Variants in LRRC4C observed in about 807,000 individuals in gnomAD.
LRRC4C encodes the protein leucine rich repeat containing 4C.
LRRC4C carries 5 observed loss-of-function variants against 33.6 expected under a neutral mutation model. The observed-to-expected ratio is 0.15, with a 90% CI of 0.08 to 0.31. The LOEUF is 0.31. LRRC4C is among the 10% of genes least tolerant of loss of function. The pLI is 1.00. For synonymous variants in LRRC4C, 329 were observed against 302.0 expected (o/e 1.09, Z -0.93); for missense variants, 560 against 796.7 (o/e 0.70, Z 3.58).
chr11:40,418,773 T>C (rs1323284792), intron 3 of LRRC4C, among the ~76,000 whole-genome samples: 1 of 152,156 alleles, frequency 6.6e-6, no homozygotes, highest in Non-Finnish European at 1.5e-5. Flanking sequence ...TTGAATACTA[T>C]GCAGCCATAA....
At chr11:40,352,669 A>G (rs1200060723) in intron 3 of LRRC4C, among the ~76,000 whole-genome samples, 2 of 152,098 alleles carry the variant, frequency 1.3e-5, no homozygotes, top group Non-Finnish European at 2.9e-5. Flanking sequence ...TACTTTCAAT[A>G]ATAAGTTTTA....
At chr11:40,247,176 T>C (rs1866410738) in intron 4 of LRRC4C, among the ~76,000 whole-genome samples, 1 of 152,104 alleles carries the variant, frequency 6.6e-6, no homozygotes, top group African/African-American at 2.4e-5. Context: ...ACTATCGGCA[T>C]CAACATTTCA....
At chr11:40,240,408 C>T (rs1435115609) in intron 5 of LRRC4C, among the ~76,000 whole-genome samples, 1 of 152,068 alleles carries the variant, frequency 6.6e-6, no homozygotes, top group Non-Finnish European at 1.5e-5. Context: ...TATAGTCAAC[C>T]AACACTCCAA....
chr11:41,314,553 A>G (rs1591242802), intron 1 of LRRC4C, among the ~76,000 whole-genome samples: 1 of 152,200 alleles, frequency 6.6e-6, no homozygotes, highest in South Asian at 2.1e-4. Flanking sequence ...TATAAAAACT[A>G]TAATTTCACA....
intron 1 of LRRC4C, among the ~76,000 whole-genome samples, chr11:41,187,810 C>T (rs1329704487): frequency 6.6e-6 from 1 of 152,158 alleles, no homozygotes; most frequent in Non-Finnish European, 1.5e-5. Context: ...CACAACCTGC[C>T]CATCTGCATG....
intron 1 of LRRC4C, among the ~76,000 whole-genome samples, chr11:41,389,126 G>T (rs1165808428): frequency 6.6e-6 from 1 of 151,812 alleles, no homozygotes; most frequent in Non-Finnish European, 1.5e-5. Context: ...TCTTTAATTT[G>T]TAAGCAGACT....
intron 2 of LRRC4C, among the ~76,000 whole-genome samples, chr11:40,679,855 C>T (rs1944589244): frequency 6.6e-6 from 1 of 152,206 alleles, no homozygotes; most frequent in Non-Finnish European, 1.5e-5. Context: ...ATAATCCCTA[C>T]TGGGGTACTG....
intron 1 of LRRC4C, among the ~76,000 whole-genome samples, chr11:40,986,224 G>T (rs1001140358): frequency 6.6e-6 from 1 of 152,114 alleles, no homozygotes; most frequent in African/African-American, 2.4e-5. Flanking sequence ...CACTGTGATT[G>T]GTGGAGTGGG....
chr11:40,351,665 A>G (rs1947394168), intron 3 of LRRC4C: 1 of 151,934 alleles, frequency 6.6e-6, no homozygotes, highest in African/African-American at 2.4e-5. Context: ...AAACTTGACT[A>G]CTCTTAACAA....
At chr11:40,774,328 G>A (rs905106636) in intron 2 of LRRC4C, among the ~76,000 whole-genome samples, 1 of 152,094 alleles carries the variant, frequency 6.6e-6, no homozygotes, top group South Asian at 2.1e-4. Context: ...GAGACTGAGA[G>A]AAAATTCCAA....
At chr11:40,325,685 G>A (rs1223651104) in intron 3 of LRRC4C, among the ~76,000 whole-genome samples, 3 of 151,390 alleles carry the variant, frequency 2.0e-5, no homozygotes, top group African/African-American at 4.8e-5. Context: ...AGTCATGTTC[G>A]AAAGATAGCT....
chr11:40,440,255 T>A (rs1483641444), intron 3 of LRRC4C, among the ~76,000 whole-genome samples: 1 of 151,764 alleles, frequency 6.6e-6, no homozygotes, highest in Non-Finnish European at 1.5e-5. Context: ...ATGACCCAGA[T>A]CTGTGTGACT....
chr11:40,630,891 G>A (rs184602408), intron 3 of LRRC4C, among the ~76,000 whole-genome samples: 8 of 152,226 alleles, frequency 5.3e-5, no homozygotes, highest in Non-Finnish European at 7.4e-5. Context: ...TATGTTCTCA[G>A]CCCTCTCATG....
Position 41,040,158 on chromosome 11 carries a change from G to C in LRRC4C, c.-495-106435C>G, listed in dbSNP as rs1428098489. Among the ~76,000 whole-genome samples the C allele has an allele frequency of 3.2e-5, 4 of 125,842 alleles. No homozygotes were observed. The East Asian group carries it at 9.6e-4, about 30-fold the overall frequency. 82.6% of individuals were successfully genotyped at this position (125,842 alleles called of 152,430 possible). On this transcript the variant is annotated intron_variant, in intron 1 of 6. Coordinates refer to ENST00000528697, the MANE Select transcript of LRRC4C (RefSeq NM_001258419.2). ...GTCTCAAAAAAAAAAAAAAAAAAAA[G>C]TATGACTTGAACTGGTTTAGGGGAT...
At chr11:40,733,428 C>T (rs1318411019) in intron 2 of LRRC4C, among the ~76,000 whole-genome samples, 2 of 151,954 alleles carry the variant, frequency 1.3e-5, no homozygotes, top group Non-Finnish European at 2.9e-5. Flanking sequence ...ATACAATCCT[C>T]AGAACTATAA....
chr11:40,343,358 C>T (rs924461895), intron 3 of LRRC4C, among the ~76,000 whole-genome samples: 3 of 148,336 alleles, frequency 2.0e-5, no homozygotes, highest in Non-Finnish European at 4.5e-5. Flanking sequence ...TATATATATA[C>T]ACATAAATAT....
At chr11:40,622,023 T>C (rs1962506836) in intron 3 of LRRC4C, among the ~76,000 whole-genome samples, 2 of 151,812 alleles carry the variant, frequency 1.3e-5, no homozygotes, top group South Asian at 2.1e-4. Context: ...AGACTAAGGA[T>C]GTGTAGATGA....
chr11:40,668,374 C>T (rs1943923568), intron 2 of LRRC4C, among the ~76,000 whole-genome samples: 1 of 152,138 alleles, frequency 6.6e-6, no homozygotes, highest in Admixed American at 6.5e-5. Flanking sequence ...AGTATCTGGT[C>T]ATTTGCTTTC....
intron 3 of LRRC4C, among the ~76,000 whole-genome samples, chr11:40,623,339 T>C (rs1188077209): frequency 1.3e-5 from 2 of 152,030 alleles, no homozygotes; most frequent in African/African-American, 2.4e-5. Flanking sequence ...AATATTGAGG[T>C]ATATAATTAT....
Sources: gnomAD v4.1 joint callset for allele counts (sites outside exome capture counted in the v4.1 genomes callset) on GRCh38, gnomAD v4.1.1 for gene constraint, MANE v1.5 for transcripts, NCBI Gene and HGNC (gene_info 2026-07-23, HGNC 2026-07-21) for gene names.